The following DOCK3 variants were observed in gnomAD, a reference collection of about 807,000 sequenced individuals.
The protein encoded by DOCK3 is dedicator of cytokinesis protein 3.
Under a neutral mutation model 265.6 loss-of-function variants are expected in DOCK3, and 60 were observed. The observed-to-expected ratio is 0.23, with a 90% CI of 0.18 to 0.28. The LOEUF (loss-of-function observed/expected upper bound fraction) is 0.28. Among genes scored for constraint, DOCK3 ranks in the 10% least tolerant of loss-of-function variants. The probability of loss-of-function intolerance (pLI) is 1.00; values close to 1 mark genes in which losing one functional copy is unlikely to be tolerated. For synonymous variants in DOCK3, 881 were observed against 938.0 expected (o/e 0.94, Z 1.11); for missense variants, 1,981 against 2,594.3 (o/e 0.76, Z 5.14).
chr3:50,879,897 C>G (rs1033351024), intron 3 of DOCK3, among the ~76,000 whole-genome samples: 2 of 152,138 alleles, frequency 1.3e-5, no homozygotes, highest in African/African-American at 2.4e-5. Context: ...CACTCCTCAG[C>G]AAATGTAAAA....
At chr3:50,966,880 A>G (rs1174805500) in intron 5 of DOCK3, among the ~76,000 whole-genome samples, 1 of 152,136 alleles carries the variant, frequency 6.6e-6, no homozygotes, top group Non-Finnish European at 1.5e-5. Flanking sequence ...AGAATCAAAC[A>G]TTTATAATGC....
intron 3 of DOCK3, among the ~76,000 whole-genome samples, chr3:50,860,808 A>T (rs1316567768): frequency 6.6e-6 from 1 of 152,182 alleles, no homozygotes; most frequent in Non-Finnish European, 1.5e-5. Context: ...ATTCCAAGCC[A>T]GTGGGTCTTA....
In DOCK3 at chr3:51,381,289, G is replaced by A. The variant is rs1553618493; in HGVS notation, c.5823G>A (p.Glu1941=). 1 of 1,613,712 alleles carries A rather than the reference G, an allele frequency of 6.2e-7. No individual in the cohort carries two copies. Among genetic ancestry groups the A allele is most frequent in the South Asian group, 1.1e-5 (1 of 91,084 alleles). ...TCCCTGTCCACTACAGCCTCTCTGA[G>A]TCTGCCGTCCTGGACTCCATCAAGG... ...PYLPVHYSLS[E]SAVLDSIKAQ... The change falls in exon 53 of 53, where the codon GAG becomes GAA. Residue 1941 remains glutamate, a synonymous_variant. Coordinates refer to ENST00000266037, the MANE Select transcript of DOCK3 (RefSeq NM_004947.5). The surrounding 1 kb of genome is among the most constrained non-coding windows in gnomAD (Gnocchi z 5.6).
At chr3:51,220,081 C>T (rs948374851) in intron 14 of DOCK3, among the ~76,000 whole-genome samples, 1 of 151,242 alleles carries the variant, frequency 6.6e-6, no homozygotes, top group African/African-American at 2.4e-5. Flanking sequence ...TCTCAAGAGC[C>T]TTTTTTTTTC....
intron 12 of DOCK3, among the ~76,000 whole-genome samples, chr3:51,193,801 CT>C (rs36051516): frequency 1.7e-4 from 21 of 126,660 alleles, no homozygotes; most frequent in South Asian, 5.1e-4. Flanking sequence ...GGGCTTCTCT[CT>C]TTTTTTTTTT....
chr3:51,260,478 A>G (rs182138865), intron 23 of DOCK3, among the ~76,000 whole-genome samples, 152 bp downstream of exon 23: 7 of 152,294 alleles, frequency 4.6e-5, no homozygotes, highest in African/African-American at 1.7e-4. Context: ...ATACAACAAA[A>G]TGCTGCTTTT....
At chr3:51,133,626 A>G (rs971903276) in intron 9 of DOCK3, among the ~76,000 whole-genome samples, 10 of 152,158 alleles carry the variant, frequency 6.6e-5, no homozygotes, top group Middle Eastern at 3.4e-3. Context: ...ATAAACATAC[A>G]TGTGCATGTG....
At chr3:50,922,519 C>T (rs2050541086) in intron 4 of DOCK3, among the ~76,000 whole-genome samples, 1 of 152,210 alleles carries the variant, frequency 6.6e-6, no homozygotes. Context: ...GGGCAATGCC[C>T]CGCCCTGCTT....
chr3:50,719,227 T>C (rs1445398401), intron 1 of DOCK3, among the ~76,000 whole-genome samples: 1 of 152,018 alleles, frequency 6.6e-6, no homozygotes, highest in Non-Finnish European at 1.5e-5. Context: ...TCTATTATAC[T>C]CTTACTTGTT....
intron 13 of DOCK3, among the ~76,000 whole-genome samples, chr3:51,209,544 T>G (rs2089397539): frequency 6.6e-6 from 1 of 152,246 alleles, no homozygotes; most frequent in Admixed American, 6.5e-5. Flanking sequence ...CAGATAGCTA[T>G]CTAATTTACG....
At chr3:50,904,336 A>G (rs1165107687) in intron 4 of DOCK3, among the ~76,000 whole-genome samples, 1 of 152,250 alleles carries the variant, frequency 6.6e-6, no homozygotes, top group African/African-American at 2.4e-5. Flanking sequence ...AGGAATCGCT[A>G]CGCTGTCTTC....
chr3:50,695,234 A>G (rs996403199), intron 1 of DOCK3, among the ~76,000 whole-genome samples: 1 of 152,238 alleles, frequency 6.6e-6, no homozygotes, highest in Non-Finnish European at 1.5e-5. Flanking sequence ...TGCTGCCTCC[A>G]GGGCTTAATA....
intron 13 of DOCK3, among the ~76,000 whole-genome samples, chr3:51,210,795 G>A (rs1038808212): frequency 6.6e-6 from 1 of 152,180 alleles, no homozygotes; most frequent in Non-Finnish European, 1.5e-5. Flanking sequence ...TTGCCTTGCA[G>A]TTCTGTTTCA....
chr3:50,782,353 C>T (rs1210864716), intron 2 of DOCK3, among the ~76,000 whole-genome samples: 3 of 128,094 alleles, frequency 2.3e-5, no homozygotes, highest in African/African-American at 8.8e-5. Context: ...TGCAGTGGCG[C>T]GATCTCGGCT....
At chr3:51,216,017 T>G (rs987695809) in intron 14 of DOCK3, among the ~76,000 whole-genome samples, 1 of 151,944 alleles carries the variant, frequency 6.6e-6, no homozygotes, top group African/African-American at 2.4e-5. Context: ...GAAAAAAGAA[T>G]AAATAGTTAC....
chr3:50,771,192 T>C (rs1009972865), intron 1 of DOCK3, among the ~76,000 whole-genome samples: 2 of 152,100 alleles, frequency 1.3e-5, no homozygotes, highest in Non-Finnish European at 2.9e-5. Flanking sequence ...ATTTGCAAAC[T>C]ACGCATCTGA....
At chr3:51,306,392 G>A (rs918056860) in intron 27 of DOCK3, among the ~76,000 whole-genome samples, 9 of 152,030 alleles carry the variant, frequency 5.9e-5, no homozygotes, top group African/African-American at 2.2e-4. Flanking sequence ...GGCTCTATGC[G>A]AATCTCTTTG....
chr3:50,710,996 T>C (rs1184127047), intron 1 of DOCK3, among the ~76,000 whole-genome samples: 3 of 152,168 alleles, frequency 2.0e-5, no homozygotes, highest in East Asian at 1.9e-4. Flanking sequence ...AGACTTCACA[T>C]TGGGCACCGC....
At chr3:51,039,870 T>G (rs1453148841) in intron 5 of DOCK3, among the ~76,000 whole-genome samples, 1 of 142,766 alleles carries the variant, frequency 7.0e-6, no homozygotes, top group Admixed American at 7.3e-5. Context: ...CATTATAGCT[T>G]GTGCTTTGAG....
Sources: gnomAD v4.1 joint callset for allele counts (sites outside exome capture counted in the v4.1 genomes callset) on GRCh38, gnomAD v4.1.1 for gene constraint, Gnocchi (gnomAD v3.1) non-coding constraint, MANE v1.5 for transcripts, NCBI Gene and HGNC (gene_info 2026-07-23, HGNC 2026-07-21) for gene names.